The following DISP3 variants were observed in gnomAD, a reference collection of about 807,000 sequenced individuals.
DISP3 encodes the protein dispatched RND transporter family member 3.
In DISP3, 101 loss-of-function variants were observed where a neutral mutation model predicts 135.3. The ratio of observed to expected loss-of-function variants is 0.75; its 90% CI spans 0.64 to 0.88. DISP3 has a LOEUF of 0.88. Among genes scored for constraint, DISP3 ranks in the 40% least tolerant of loss-of-function variants. The probability of loss-of-function intolerance (pLI) is 0.00; values close to 1 mark genes in which losing one functional copy is unlikely to be tolerated. For missense variants in DISP3, 1,713 were observed against 1,878.6 expected, an observed-to-expected ratio of 0.91 and a Z score of 1.63; for synonymous variants, 856 against 817.0, an observed-to-expected ratio of 1.05 and a Z score of -0.81.
chr1:11,517,610 G>A lies in DISP3; in HGVS notation c.1889+8G>A, dbSNP rs748427571. On this transcript the variant is annotated splice_region_variant and intron_variant, in intron 7 of 20. Transcript: ENST00000294484. Reference sequence around the variant, plus strand: ...GAGCTCCTGCCAGACCAGGTAAGTCGGGCAGGGCCTCCACCCACAGCAGGG... The same window carrying A: ...GAGCTCCTGCCAGACCAGGTAAGTCAGGCAGGGCCTCCACCCACAGCAGGG... 5.9e-5 allele frequency: 95 copies of A among 1,612,314 alleles called. No individual in the cohort carries two copies. The highest frequency in any genetic ancestry group is 1.6e-4 in the Middle Eastern group (1 of 6,084).
intron 1 of DISP3, among the ~76,000 whole-genome samples, chr1:11,487,500 C>G (rs532258460): frequency 2.0e-5 from 3 of 152,356 alleles, no homozygotes; most frequent in African/African-American, 7.2e-5. Flanking sequence ...CCTGCCACCA[C>G]CTTGCCTGGG....
At chr1:11,481,669 T>C (rs1223726103) in intron 1 of DISP3, 1 of 152,210 alleles carries the variant, frequency 6.6e-6, no homozygotes, top group African/African-American at 2.4e-5. Flanking sequence ...TTCCCGTCTG[T>C]TAAAGGACTG....
At position 11,531,459 on chromosome 1, in the gene DISP3, G is replaced by A; in HGVS notation, c.3230-106G>A. On this transcript the variant is annotated intron_variant, in intron 16 of 20. Coordinates refer to ENST00000294484, the MANE Select transcript of DISP3 (RefSeq NM_020780.2). This position sits in a 1 kb window ranked among gnomAD's most constrained non-coding sequence, Gnocchi z 5.2. ...CCAATGCCGTTGCCAATGGTTACAA[G>A]CACTCTAAGCCTCAGAGGTATGTGA... 3 of 1,510,666 alleles carry A rather than the reference G, an allele frequency of 2.0e-6. No individual in the cohort carries two copies. The highest frequency in any genetic ancestry group is 2.7e-6 in the Non-Finnish European group (3 of 1,097,752). 93.6% of individuals were successfully genotyped at this position (1,510,666 alleles called of 1,614,324 possible). A position where few individuals can be genotyped will look rare whatever the true frequency, so the allele number is the denominator to read the frequency against.
chr1:11,519,129 G>A lies in DISP3; in HGVS notation c.1890-226G>A, dbSNP rs879625356. Among the ~76,000 whole-genome samples, 42 of 152,166 alleles carry A rather than the reference G, an allele frequency of 2.8e-4. No individual in the cohort carries two copies. Among genetic ancestry groups the A allele is most frequent in the Non-Finnish European group, 6.2e-4 (42 of 68,032 alleles). ...CCCCTCTTCCTGGGTAATGTTTGCT[G>A]TCACCATTTGTCTCTCTGGAGGAAG... On this transcript the variant is annotated intron_variant, in intron 7 of 20. Coordinates refer to ENST00000294484, the MANE Select transcript of DISP3 (RefSeq NM_020780.2). The surrounding 1 kb of genome is among the most constrained non-coding windows in gnomAD (Gnocchi z 4.3).
rs1570093081 is a variant in DISP3 at position 11,502,902 on chromosome 1, G to A, written c.1316+5G>A. On this transcript the variant is annotated splice_donor_5th_base_variant and intron_variant, in intron 3 of 20. Transcript: ENST00000294484. ...GCTGGCCAAGCAGTCTACCAGGTAG[G>A]AAGTCCAGCTGCATCCTGTGTGTGC... 1 of 1,608,400 alleles carries A rather than the reference G, an allele frequency of 6.2e-7. No homozygotes were observed. Among genetic ancestry groups the A allele is most frequent in the East Asian group, 2.2e-5 (1 of 44,814 alleles).
intron 11 of DISP3, among the ~76,000 whole-genome samples, chr1:11,524,726 C>A (rs1414220036): frequency 1.5e-5 from 2 of 136,518 alleles, no homozygotes; most frequent in African/African-American, 5.6e-5. Flanking sequence ...CCACCCCATC[C>A]CTGTGCCTAC....
intron 11 of DISP3, 58 bp from the exon 12 acceptor site, chr1:11,525,118 T>A (rs1642374244): frequency 3.8e-6 from 6 of 1,593,196 alleles, no homozygotes; most frequent in Middle Eastern, 1.7e-4. Context: ...TGCTCCAGGG[T>A]CAGGAGAAGC....
chr1:11,533,030 CTG>C (rs1642613312), intron 17 of DISP3, among the ~76,000 whole-genome samples: 2 of 152,044 alleles, frequency 1.3e-5, no homozygotes, highest in Non-Finnish European at 1.5e-5. Context: ...GCATACGACT[CTG>C]TGGCATTAAG....
intron 10 of DISP3, 126 bp from the exon 11 acceptor site, chr1:11,523,816 C>A: frequency 1.5e-6 from 1 of 655,808 alleles, no homozygotes; most frequent in Non-Finnish European, 2.6e-6. Flanking sequence ...CTGACACCCA[C>A]CCCCTCCAGT....
At chr1:11,485,675 A>G (rs1250988410) in intron 1 of DISP3, among the ~76,000 whole-genome samples, 1 of 152,182 alleles carries the variant, frequency 6.6e-6, no homozygotes, top group Non-Finnish European at 1.5e-5. Flanking sequence ...CCCTGATGAT[A>G]ATGATCATGA....
chr1:11,490,077 T>C (rs1641140856), intron 1 of DISP3, among the ~76,000 whole-genome samples: 2 of 151,762 alleles, frequency 1.3e-5, no homozygotes. Context: ...AGCTGTGATC[T>C]CCAGCCTCAT....
At chr1:11,535,974 C>T (rs891754048) in intron 20 of DISP3, among the ~76,000 whole-genome samples, 1 of 152,196 alleles carries the variant, frequency 6.6e-6, no homozygotes, top group Non-Finnish European at 1.5e-5. Flanking sequence ...CAAGTCTGCT[C>T]CAGCCCCTGG....
rs1177618044 is a variant in DISP3 at position 11,535,087 on chromosome 1, C to T, written c.3612C>T (p.His1204=). 2 of 1,609,260 alleles carry T rather than the reference C, an allele frequency of 1.2e-6. No homozygotes were observed. The highest frequency in any genetic ancestry group is 1.7e-6 in the Non-Finnish European group (2 of 1,178,638). ...CCGCGGTGGCCGTGTTCACCACCCA[C>T]ATCCTGCTCCTGCTGCCCGTGCTCC... ...CVAAVAVFTT[H]ILLLLPVLLS... is the part of the protein sequence containing the mutation. Residue 1204 remains histidine, a synonymous_variant, in exon 19 of 21, where the codon CAC becomes CAT. Transcript: ENST00000294484.
intron 5 of DISP3, 24 bp downstream of exon 5, chr1:11,515,527 C>A: frequency 6.3e-7 from 1 of 1,575,486 alleles, no homozygotes; most frequent in Non-Finnish European, 8.6e-7. Context: ...GTTGTCATGG[C>A]AGTGCGCCTC....
Position 11,523,976 on chromosome 1 carries a change from C to T in DISP3, c.2397C>T (p.Asn799=). ...LFQEKPHSLQ[N]NIRTSLEKKR... ...AGGAGAAGCCCCACAGCCTGCAGAA[C>T]AACATCCGGACGTCCCTGGAGAAGA... is the stretch of plus-strand genomic sequence containing the variant. The change falls in exon 11 of 21, where the codon AAC becomes AAT. Residue 799 remains asparagine (N), a synonymous_variant. Transcript: ENST00000294484. The T allele has an allele frequency of 4.3e-6, 7 of 1,613,438 alleles. No individual in the cohort carries two copies. The highest frequency in any genetic ancestry group is 3.4e-6 in the Non-Finnish European group (4 of 1,179,778).
chr1:11,520,956 G>T lies in DISP3; in HGVS notation c.2362+108G>T. The stretch of plus-strand genomic sequence containing the variant: ...GGGTCCCCATCAATGCCAGACCTCA[G>T]GCAAATCCCACTCCCCTCTGAGCCC... On this transcript the variant is annotated intron_variant, in intron 10 of 20. Transcript: ENST00000294484. The surrounding 1 kb of genome is among the most constrained non-coding windows in gnomAD (Gnocchi z 4.8). The T allele has an allele frequency of 7.7e-7, 1 of 1,295,772 alleles. No individual in the cohort carries two copies. The highest frequency in any genetic ancestry group is 1.5e-5 in the South Asian group (1 of 64,996). 80.3% of individuals were successfully genotyped at this position (1,295,772 alleles called of 1,614,324 possible). A position where few individuals can be genotyped will look rare whatever the true frequency, so the allele number is the denominator to read the frequency against.
At chr1:11,486,188 A>G (rs1378295569) in intron 1 of DISP3, among the ~76,000 whole-genome samples, 2 of 152,174 alleles carry the variant, frequency 1.3e-5, no homozygotes, top group East Asian at 3.9e-4. Context: ...CCATGTAGAC[A>G]CAGCTGAGAC....
chr1:11,519,452 A>G lies in DISP3; in HGVS notation c.1987A>G (p.Ile663Val). The change falls in exon 8 of 21, where the codon ATA (isoleucine) becomes GTA (valine). Residue 663 changes from isoleucine (I) to valine (V), a missense_variant. Physicochemically the swap from Ile to Val is conservative, Grantham distance 29 (BLOSUM62 3). Coordinates refer to ENST00000294484, the MANE Select transcript of DISP3 (RefSeq NM_020780.2). The surrounding 1 kb of genome is among the most constrained non-coding windows in gnomAD (Gnocchi z 4.3). ...TGGAGGCAGCCCTGCCCAGGGCCCC[A>G]TACCCTACCTGGATGATGACATCCC... ...QVGGSPAQGPIPYLDDDIPLL... is the reference protein window; with the variant it reads ...QVGGSPAQGPVPYLDDDIPLL... 1 of 1,613,754 alleles carries G rather than the reference A, an allele frequency of 6.2e-7. No individual in the cohort carries two copies. The highest frequency in any genetic ancestry group is 8.5e-7 in the Non-Finnish European group (1 of 1,180,010).
At position 11,530,956 on chromosome 1, in the gene DISP3, A is replaced by G. The variant is rs754838742; in HGVS notation, c.3152A>G (p.His1051Arg). Reference sequence around the variant, plus strand: ...TTTGACCTCTTCAAGGAAATTGGGCACCTGTGTCACCTCTGCAAGGCCATC... The same window carrying G: ...TTTGACCTCTTCAAGGAAATTGGGCGCCTGTGTCACCTCTGCAAGGCCATC... ...SSFDLFKEIG[H>R]LCHLCKAIAA... The change falls in exon 16 of 21, where the codon CAC becomes CGC. Residue 1051 changes from histidine (H) to arginine (R), a missense_variant. This residue lies in a region of DISP3 where 1,142 missense variants were observed against 1,384.6 expected (regional missense o/e 0.82). Coordinates refer to ENST00000294484, the MANE Select transcript of DISP3 (RefSeq NM_020780.2). 3.1e-6 allele frequency: 5 copies of G among 1,613,886 alleles called. No homozygotes were observed. The South Asian group carries it at 5.5e-5, about 18-fold the overall frequency.
Sources: gnomAD v4.1 joint callset for allele counts (sites outside exome capture counted in the v4.1 genomes callset) on GRCh38, gnomAD v4.1.1 for gene constraint, gnomAD v4.1.1 regional missense constraint, Gnocchi (gnomAD v3.1) non-coding constraint, MANE v1.5 for transcripts, NCBI Gene and HGNC (gene_info 2026-07-23, HGNC 2026-07-21) for gene names.